The following FXR1 variants were observed in gnomAD, a reference collection of about 807,000 sequenced individuals.
The protein encoded by FXR1 is RNA-binding protein FXR1.
In FXR1, 15 loss-of-function variants were observed where a neutral mutation model predicts 84.0. The observed-to-expected ratio is 0.18, with a 90% CI of 0.12 to 0.27. The LOEUF (loss-of-function observed/expected upper bound fraction) is 0.27, where lower values mean the gene tolerates loss of function less well. FXR1 is among the 10% of genes least tolerant of loss of function. FXR1 has a pLI of 1.00. For synonymous variants in FXR1, 245 were observed against 250.7 expected (o/e 0.98, Z 0.21); for missense variants, 480 against 774.4 (o/e 0.62, Z 4.51).
At chr3:180,915,223 C>T (rs1576876093) in intron 1 of FXR1, among the ~76,000 whole-genome samples, 1 of 152,014 alleles carries the variant, frequency 6.6e-6, no homozygotes. Context: ...TTTTGGTGTA[C>T]GGTTATGAAT....
At chr3:180,931,024 C>CT (rs1417588719) in intron 1 of FXR1, among the ~76,000 whole-genome samples, 10 of 37,332 alleles carry the variant, frequency 2.7e-4, no homozygotes, top group Non-Finnish European at 3.7e-4. Context: ...GCGAGACTGC[C>CT]TCAAAAAAAA....
At chr3:180,959,645 A>C (rs1342691301) in intron 10 of FXR1, among the ~76,000 whole-genome samples, 1 of 146,620 alleles carries the variant, frequency 6.8e-6, no homozygotes, top group African/African-American at 2.5e-5. Flanking sequence ...TTGCCCTCCC[A>C]CCCCCCTTTT....
chr3:180,926,506 A>ATTTTT (rs57540765), intron 1 of FXR1, among the ~76,000 whole-genome samples: 1,926 of 124,228 alleles, frequency 0.016, 81 homozygotes, highest in African/African-American at 0.054. Context: ...ATATATATAT[A>ATTTTT]TTTTTTTTTC....
chr3:180,949,961 C>G (rs1350354192), intron 7 of FXR1, among the ~76,000 whole-genome samples: 1 of 152,140 alleles, frequency 6.6e-6, no homozygotes, highest in African/African-American at 2.4e-5. Context: ...GCCTTGTCAT[C>G]TGTCAGTCAT....
intron 13 of FXR1, among the ~76,000 whole-genome samples, chr3:180,967,324 A>G (rs896284886): frequency 1.3e-5 from 2 of 152,210 alleles, no homozygotes; most frequent in African/African-American, 4.8e-5. Context: ...GATGCCATCA[A>G]TTATAAGAAA....
chr3:180,981,821 A>G lies in FXR1; in HGVS notation c.*5529A>G, dbSNP rs1243645011. ...ATGTATATTTCCCTTTTACAGAGAAAGCTGAAGCCTCGAGGCTCAGATTTA... is the reference window on the plus strand; with the variant it reads ...ATGTATATTTCCCTTTTACAGAGAAGGCTGAAGCCTCGAGGCTCAGATTTA... On this transcript the variant is annotated 3_prime_UTR_variant, in exon 17 of 17. Transcript: ENST00000357559. The G allele has an allele frequency of 6.6e-6, 1 of 152,060 alleles. No homozygotes were observed. The highest frequency in any genetic ancestry group is 1.5e-5 in the Non-Finnish European group (1 of 67,946). The allele number at this position is 152,060 out of a possible 1,614,324, so 9.4% of individuals were successfully genotyped here.
At chr3:180,968,792 T>G (rs1448260462) in intron 14 of FXR1, among the ~76,000 whole-genome samples, 1 of 152,142 alleles carries the variant, frequency 6.6e-6, no homozygotes, top group Non-Finnish European at 1.5e-5. Flanking sequence ...GATTTGAGGG[T>G]GTAGGAAACG....
intron 8 of FXR1, among the ~76,000 whole-genome samples, chr3:180,953,493 CTA>C (rs1188467412): frequency 6.6e-6 from 1 of 152,110 alleles, no homozygotes; most frequent in Non-Finnish European, 1.5e-5. Flanking sequence ...AACTCTGACA[CTA>C]AATTTCTCAG....
In FXR1 at chr3:180,976,692, T is replaced by C. The variant is rs1322790179; in HGVS notation, c.*400T>C. 2.0e-5 allele frequency: 3 copies of C among 153,452 alleles called. No homozygotes were observed. The highest frequency in any genetic ancestry group is 7.2e-5 in the African/African-American group (3 of 41,480). The allele number at this position is 153,452 out of a possible 1,614,324, so 9.5% of individuals were successfully genotyped here. ...AACCACTTCTTCACCTGAGGAAAAC[T>C]AGAATGAAATGCAGTCTAAAATATT... is the stretch of plus-strand genomic sequence containing the variant. On this transcript the variant is annotated 3_prime_UTR_variant, in exon 17 of 17. Coordinates refer to ENST00000357559, the MANE Select transcript of FXR1 (RefSeq NM_005087.4).
At chr3:180,940,084 T>C (rs1281531352) in intron 3 of FXR1, among the ~76,000 whole-genome samples, 2 of 152,214 alleles carry the variant, frequency 1.3e-5, no homozygotes, top group Non-Finnish European at 2.9e-5. Flanking sequence ...CATAAAGTAA[T>C]GTCATGGCCC....
At chr3:180,927,667 A>G (rs1250836680) in intron 1 of FXR1, 1 of 477,920 alleles carries the variant, frequency 2.1e-6, no homozygotes, top group Non-Finnish European at 3.7e-6. Context: ...GCACCCGTCT[A>G]AAAAAAAATG....
Position 180,981,850 on chromosome 3 carries a change from G to A in FXR1, c.*5558G>A, listed in dbSNP as rs1168113020. ...GAAGCCTCGAGGCTCAGATTTACCTGGCTTCTGTTTACCTGGCTTCTGCAG... is the reference window on the plus strand; with the variant it reads ...GAAGCCTCGAGGCTCAGATTTACCTAGCTTCTGTTTACCTGGCTTCTGCAG... On this transcript the variant is annotated 3_prime_UTR_variant, in exon 17 of 17. Transcript: ENST00000357559. 6.6e-6 allele frequency: 1 copy of A among 151,942 alleles called. No individual in the cohort carries two copies. The highest frequency in any genetic ancestry group is 6.6e-5 in the Admixed American group (1 of 15,246). 9.4% of individuals were successfully genotyped at this position (151,942 alleles called of 1,614,324 possible).
chr3:180,961,882 T>C (rs981689792), intron 11 of FXR1, among the ~76,000 whole-genome samples: 9 of 152,216 alleles, frequency 5.9e-5, no homozygotes, highest in African/African-American at 1.4e-4. Flanking sequence ...TATCTGCATG[T>C]TCATACTGGA....
chr3:180,982,455 C>T lies in FXR1; in HGVS notation c.*6163C>T, dbSNP rs1360142828. 1.3e-5 allele frequency: 2 copies of T among 152,046 alleles called. No individual in the cohort carries two copies. The highest frequency in any genetic ancestry group is 2.9e-5 in the Non-Finnish European group (2 of 67,976). The allele number at this position is 152,046 out of a possible 1,614,324, so 9.4% of individuals were successfully genotyped here. On this transcript the variant is annotated 3_prime_UTR_variant, in exon 17 of 17. Coordinates refer to ENST00000357559, the MANE Select transcript of FXR1 (RefSeq NM_005087.4). ...AGCCTGGAGAAAATAAAACTGATTA[C>T]TATGCAAGAAAAAAATGTGCTCTGC...
chr3:180,926,636 T>G (rs1368988421), intron 1 of FXR1, among the ~76,000 whole-genome samples: 2 of 151,358 alleles, frequency 1.3e-5, no homozygotes, highest in Admixed American at 6.6e-5. Context: ...TTCGATTTTT[T>G]GGTTCTGGAC....
intron 1 of FXR1, chr3:180,915,741 G>A (rs1449917229): frequency 7.3e-6 from 5 of 682,668 alleles, no homozygotes; most frequent in Non-Finnish European, 1.3e-5. Flanking sequence ...CAGTTATCAT[G>A]CCTTGAGGCA....
At chr3:180,920,017 C>G (rs1436792351) in intron 1 of FXR1, among the ~76,000 whole-genome samples, 1 of 152,190 alleles carries the variant, frequency 6.6e-6, no homozygotes, top group Non-Finnish European at 1.5e-5. Context: ...CTGCCATTCT[C>G]TATCTTCAGC....
intron 3 of FXR1, among the ~76,000 whole-genome samples, chr3:180,939,125 CT>C (rs777319340): frequency 6.6e-6 from 1 of 151,978 alleles, no homozygotes; most frequent in Non-Finnish European, 1.5e-5. Context: ...GAACTTCTGG[CT>C]TCAAGTGAAC....
chr3:180,930,337 G>C (rs1469090919), intron 1 of FXR1, among the ~76,000 whole-genome samples: 1 of 152,114 alleles, frequency 6.6e-6, no homozygotes, highest in African/African-American at 2.4e-5. Context: ...AGTTGATACT[G>C]ATGTTTATGG....
Sources: gnomAD v4.1 joint callset for allele counts (sites outside exome capture counted in the v4.1 genomes callset) on GRCh38, gnomAD v4.1.1 for gene constraint, MANE v1.5 for transcripts, NCBI Gene and HGNC (gene_info 2026-07-23, HGNC 2026-07-21) for gene names.